Variants in HECW1 observed in about 807,000 individuals in gnomAD.
HECW1 encodes E3 ubiquitin-protein ligase HECW1.
Under a neutral mutation model 182.3 loss-of-function variants are expected in HECW1, and 61 were observed. The ratio of observed to expected loss-of-function variants is 0.33; its 90% CI spans 0.27 to 0.41. HECW1 has a LOEUF of 0.41. Ranked by LOEUF, HECW1 falls within the 10% of genes least tolerant of loss-of-function variation. The probability of loss-of-function intolerance (pLI) is 1.00; values close to 1 mark genes in which losing one functional copy is unlikely to be tolerated. For missense variants in HECW1, 1,739 were observed against 2,108.9 expected (o/e 0.82, Z 3.44); for synonymous variants, 859 against 832.6 (o/e 1.03, Z -0.55).
chr7:43,366,983 T>C (rs569650428), intron 6 of HECW1, among the ~76,000 whole-genome samples: 1 of 152,342 alleles, frequency 6.6e-6, no homozygotes, highest in South Asian at 2.1e-4. Context: ...CTATTCATTA[T>C]GTTATGTAAA....
chr7:43,457,001 C>A (rs1314180968), intron 13 of HECW1, among the ~76,000 whole-genome samples: 2 of 152,138 alleles, frequency 1.3e-5, no homozygotes, highest in Admixed American at 1.3e-4. Flanking sequence ...AATAATAATT[C>A]TTGAAAAGCC....
Position 43,430,793 on chromosome 7 carries a change from T to TATTA in HECW1, c.802-7209_802-7206dup, listed in dbSNP as rs915429611. The stretch of plus-strand genomic sequence containing the variant: ...TTTTATTTTTCTTTATTATTATTAT[T>TATTA]ATTATTGAGATGGAGTCTCGCTCTG... On this transcript the variant is annotated intron_variant, in intron 8 of 29. Coordinates refer to ENST00000395891, the MANE Select transcript of HECW1 (RefSeq NM_015052.5). Among the ~76,000 whole-genome samples, 10 of 149,858 alleles carry TATTA rather than the reference T, an allele frequency of 6.7e-5. 1 individual carries two copies. Among genetic ancestry groups the TATTA allele is most frequent in the African/African-American group, 2.4e-4 (10 of 40,978 alleles).
At chr7:43,122,090 C>T (rs1232963747) in intron 2 of HECW1, 1 of 152,186 alleles carries the variant, frequency 6.6e-6, no homozygotes, top group African/African-American at 2.4e-5. Context: ...TCTTCAAGGA[C>T]AAAGAACAGT....
intron 24 of HECW1, among the ~76,000 whole-genome samples, chr7:43,524,401 T>A (rs2080674248): frequency 6.6e-6 from 1 of 152,152 alleles, no homozygotes; most frequent in South Asian, 2.1e-4. Flanking sequence ...GAAACATACA[T>A]TGTGTGGGAA....
intron 5 of HECW1, among the ~76,000 whole-genome samples, chr7:43,333,772 A>C (rs1811784048): frequency 1.3e-5 from 2 of 152,152 alleles, no homozygotes; most frequent in African/African-American, 4.8e-5. Flanking sequence ...AAATGCGGGC[A>C]GAGGGAAGGG....
intron 24 of HECW1, among the ~76,000 whole-genome samples, chr7:43,516,898 T>A (rs1160587995): frequency 6.6e-6 from 1 of 152,244 alleles, no homozygotes; most frequent in Non-Finnish European, 1.5e-5. Flanking sequence ...TAGCAAGTAT[T>A]TGTGTATCTC....
intron 6 of HECW1, among the ~76,000 whole-genome samples, chr7:43,362,847 A>C (rs1264097809): frequency 6.6e-6 from 1 of 152,226 alleles, no homozygotes; most frequent in Non-Finnish European, 1.5e-5. Context: ...AGTTCACTGA[A>C]TGAGGCAGAC....
intron 2 of HECW1, among the ~76,000 whole-genome samples, chr7:43,127,082 C>A (rs1193009537): frequency 2.6e-5 from 4 of 152,122 alleles, no homozygotes; most frequent in African/African-American, 9.7e-5. Flanking sequence ...TAGAAATGAT[C>A]AAGCTTAGTG....
intron 8 of HECW1, among the ~76,000 whole-genome samples, chr7:43,415,684 G>T (rs1187122317): frequency 4.9e-5 from 7 of 143,638 alleles, no homozygotes; most frequent in Non-Finnish European, 3.1e-5. Context: ...CGTAGATTTG[G>T]TCTTTTCACA....
intron 2 of HECW1, among the ~76,000 whole-genome samples, chr7:43,142,781 G>A (rs1317775112): frequency 6.6e-6 from 1 of 152,208 alleles, no homozygotes; most frequent in Non-Finnish European, 1.5e-5. Context: ...AGCTTCCTGT[G>A]CCTTATGCTC....
intron 2 of HECW1, among the ~76,000 whole-genome samples, chr7:43,121,075 C>A (rs183493871): frequency 1.0e-3 from 159 of 152,220 alleles, no homozygotes; most frequent in Middle Eastern, 3.4e-3. Flanking sequence ...AAGGAGGTGG[C>A]TGGGGTTCTT....
At chr7:43,170,227 G>A (rs1791545181) in intron 2 of HECW1, among the ~76,000 whole-genome samples, 1 of 152,136 alleles carries the variant, frequency 6.6e-6, no homozygotes, top group Non-Finnish European at 1.5e-5. Flanking sequence ...AATGCCTGAT[G>A]ATCTGTTACT....
At chr7:43,373,835 C>G (rs1457539181) in intron 6 of HECW1, among the ~76,000 whole-genome samples, 14 of 152,240 alleles carry the variant, frequency 9.2e-5, no homozygotes, top group Non-Finnish European at 1.9e-4. Flanking sequence ...CATCCTACTT[C>G]CTGTCTCTAG....
At chr7:43,233,691 C>T (rs1043136084) in intron 2 of HECW1, among the ~76,000 whole-genome samples, 2 of 152,214 alleles carry the variant, frequency 1.3e-5, no homozygotes, top group African/African-American at 4.8e-5. Flanking sequence ...CAACTGGACT[C>T]TGAAGATCAG....
chr7:43,138,506 C>T (rs1371404492), intron 2 of HECW1, among the ~76,000 whole-genome samples: 1 of 152,094 alleles, frequency 6.6e-6, no homozygotes, highest in East Asian at 1.9e-4. Context: ...CGTGTCCTTT[C>T]TTCCACATTT....
At chr7:43,239,280 T>C (rs1026314676) in intron 2 of HECW1, 6 of 152,254 alleles carry the variant, frequency 3.9e-5, no homozygotes, top group African/African-American at 1.4e-4. Flanking sequence ...TTCTGGTCTC[T>C]AAGAAGAAGC....
intron 24 of HECW1, 198 bp downstream of exon 24, chr7:43,509,319 T>C (rs1339130188): frequency 8.0e-6 from 4 of 497,900 alleles, no homozygotes; most frequent in Non-Finnish European, 1.4e-5. Context: ...CCAAGGATGC[T>C]GATAATATAG....
At chr7:43,234,020 A>G (rs541349056) in intron 2 of HECW1, among the ~76,000 whole-genome samples, 16 of 152,358 alleles carry the variant, frequency 1.1e-4, no homozygotes, top group African/African-American at 3.8e-4. Context: ...GCAGGTGAGG[A>G]GCAGCCAGCT....
At chr7:43,480,669 A>T (rs2078397598) in intron 17 of HECW1, among the ~76,000 whole-genome samples, 1 of 147,408 alleles carries the variant, frequency 6.8e-6, no homozygotes, top group Non-Finnish European at 1.5e-5. Context: ...ATATATATAC[A>T]CACACATATA....
Sources: allele counts gnomAD v4.1 joint callset (sites outside exome capture counted in the v4.1 genomes callset), GRCh38; gene constraint gnomAD v4.1.1; transcripts MANE v1.5; gene names NCBI Gene and HGNC (gene_info 2026-07-23, HGNC 2026-07-21).